Variants in SEMA5A observed in about 807,000 individuals in gnomAD.
SEMA5A encodes the protein semaphorin-5A.
In SEMA5A, 55 loss-of-function variants were observed where a neutral mutation model predicts 135.5. The ratio of observed to expected loss-of-function variants is 0.41; its 90% confidence interval spans 0.33 to 0.51. The LOEUF is 0.51. Ranked by LOEUF, SEMA5A falls within the 20% of genes least tolerant of loss-of-function variation. The probability of loss-of-function intolerance (pLI) is 0.37; values close to 1 mark genes in which losing one functional copy is unlikely to be tolerated. For missense variants in SEMA5A, 1,290 were observed against 1,419.9 expected (o/e 0.91, Z 1.47); for synonymous variants, 580 against 546.5 (o/e 1.06, Z -0.85).
chr5:9,452,479 A>T (rs747729808), intron 1 of SEMA5A, among the ~76,000 whole-genome samples: 6 of 152,208 alleles, frequency 3.9e-5, no homozygotes, highest in African/African-American at 7.2e-5. Flanking sequence ...GGCAAGATGC[A>T]TCCCACCTCA....
At chr5:9,212,207 C>T (rs140042438) in intron 8 of SEMA5A, among the ~76,000 whole-genome samples, 198 of 152,298 alleles carry the variant, frequency 1.3e-3, no homozygotes, top group Middle Eastern at 6.8e-3. Context: ...TGTATTTTCA[C>T]CTTTTCATGG....
chr5:9,360,152 T>C (rs1266953202), intron 3 of SEMA5A, among the ~76,000 whole-genome samples: 6 of 152,230 alleles, frequency 3.9e-5, no homozygotes, highest in Non-Finnish European at 8.8e-5. Context: ...TATTAACCTC[T>C]GCAGTAGGTC....
At chr5:9,205,938 G>T (rs1745990266) in intron 8 of SEMA5A, among the ~76,000 whole-genome samples, 1 of 152,176 alleles carries the variant, frequency 6.6e-6, no homozygotes, top group Admixed American at 6.5e-5. Context: ...GAAAAAGTGG[G>T]AATAATTGTA....
chr5:9,050,318 A>C (rs1736496274), intron 21 of SEMA5A, 92 bp downstream of exon 21: 2 of 1,215,146 alleles, frequency 1.6e-6, no homozygotes, highest in South Asian at 3.2e-5. Flanking sequence ...TTCTTGGCCA[A>C]GAGGCAGAAA....
chr5:9,469,259 G>A lies in SEMA5A; in HGVS notation c.-174-31407C>T, dbSNP rs187436902. On this transcript the variant is annotated intron_variant, in intron 1 of 22. Transcript: ENST00000382496. ...CCTGACCTTGTGATCCACCTGCCTC[G>A]GCCTCCCAAAGTGCTGGGATTACAG... 1.1e-3 allele frequency among the ~76,000 whole-genome samples: 172 copies of A among 152,104 alleles called. 2 individuals carry two copies. The highest frequency in any genetic ancestry group is 7.1e-3 in the East Asian group (37 of 5,176).
chr5:9,325,557 A>C (rs1322190002), intron 4 of SEMA5A, among the ~76,000 whole-genome samples: 3 of 151,952 alleles, frequency 2.0e-5, no homozygotes, highest in Non-Finnish European at 4.4e-5. Flanking sequence ...CAAATCACTA[A>C]GCATAACAAT....
chr5:9,212,911 T>C (rs1746415837), intron 8 of SEMA5A, among the ~76,000 whole-genome samples: 1 of 152,178 alleles, frequency 6.6e-6, no homozygotes, highest in African/African-American at 2.4e-5. Context: ...TAACAAAAAA[T>C]ACCATAAACT....
In SEMA5A at chr5:9,443,612, C is replaced by G. The variant is rs548292949; in HGVS notation, c.-174-5760G>C. On this transcript the variant is annotated intron_variant, in intron 1 of 22. Transcript: ENST00000382496. The stretch of plus-strand genomic sequence containing the variant: ...TGAAGCAAATTAACGTATTTATCAT[C>G]TCACATAGTTACATTTTTTGAGGTA... 3.9e-5 allele frequency among the ~76,000 whole-genome samples: 6 copies of G among 152,318 alleles called. No homozygotes were observed. In the South Asian group the frequency reaches 1.2e-3, roughly 32 times the overall value.
intron 15 of SEMA5A, among the ~76,000 whole-genome samples, chr5:9,118,471 T>C (rs1201434508): frequency 3.3e-5 from 5 of 152,288 alleles, no homozygotes; most frequent in Non-Finnish European, 5.9e-5. Context: ...AAGCTCAAAA[T>C]ACACGTGGAA....
chr5:9,086,120 C>T (rs541994060), intron 16 of SEMA5A, among the ~76,000 whole-genome samples: 63 of 152,322 alleles, frequency 4.1e-4, no homozygotes, highest in African/African-American at 1.4e-3. Flanking sequence ...TTCAATTTTA[C>T]ACCCTCATAG....
chr5:9,304,375 T>C (rs1350573007), intron 5 of SEMA5A, among the ~76,000 whole-genome samples: 1 of 152,132 alleles, frequency 6.6e-6, no homozygotes, highest in African/African-American at 2.4e-5. Flanking sequence ...AAAGAACATA[T>C]CCTTATTTTT....
At chr5:9,391,884 C>T (rs1756174960) in intron 2 of SEMA5A, among the ~76,000 whole-genome samples, 4 of 152,118 alleles carry the variant, frequency 2.6e-5, no homozygotes, top group Admixed American at 2.6e-4. Flanking sequence ...AGATCCTGAC[C>T]CCACCAACAA....
At chr5:9,372,904 C>T (rs149001453) in intron 3 of SEMA5A, among the ~76,000 whole-genome samples, 14 of 152,344 alleles carry the variant, frequency 9.2e-5, no homozygotes, top group Admixed American at 3.3e-4. Context: ...GTCCGTGTTA[C>T]GCCTTCTCCA....
rs910391741 is a variant in SEMA5A at position 9,204,313 on chromosome 5, G to A, written c.647-2073C>T. Among the ~76,000 whole-genome samples the A allele has an allele frequency of 2.6e-5, 4 of 152,134 alleles. No homozygotes were observed. The highest frequency in any genetic ancestry group is 5.9e-5 in the Non-Finnish European group (4 of 68,030). ...ACTTAGGTTACCAGCACACATGCAG[G>A]AGGTCCACCAAAACTTATCAAATAC... On this transcript the variant is annotated intron_variant, in intron 8 of 22. Transcript: ENST00000382496. This position sits in a 1 kb window ranked among gnomAD's most constrained non-coding sequence, Gnocchi z 6.4.
At chr5:9,361,902 C>T (rs757711801) in intron 3 of SEMA5A, among the ~76,000 whole-genome samples, 14 of 152,126 alleles carry the variant, frequency 9.2e-5, no homozygotes, top group Non-Finnish European at 1.8e-4. Context: ...GCCCCAAATC[C>T]AGAACTGAGA....
intron 3 of SEMA5A, among the ~76,000 whole-genome samples, chr5:9,345,525 TAA>T (rs60077732): frequency 2.5e-4 from 36 of 144,668 alleles, no homozygotes; most frequent in African/African-American, 3.3e-4. Context: ...TTCCAGGATG[TAA>T]AAAAAAAAAA....
intron 12 of SEMA5A, among the ~76,000 whole-genome samples, chr5:9,142,631 T>C (rs6892307): frequency 0.11 from 17,202 of 152,210 alleles, 1,438 homozygotes; most frequent in East Asian, 0.3. Context: ...CATGTTACCA[T>C]ATACTTCATA....
chr5:9,405,783 A>G (rs1244257097), intron 2 of SEMA5A, among the ~76,000 whole-genome samples: 1 of 152,206 alleles, frequency 6.6e-6, no homozygotes, highest in Non-Finnish European at 1.5e-5. Context: ...ATTCTCTTCC[A>G]TATCACTTAT....
chr5:9,304,451 TATC>T (rs1751762455), intron 5 of SEMA5A, among the ~76,000 whole-genome samples: 1 of 152,130 alleles, frequency 6.6e-6, no homozygotes, highest in South Asian at 2.1e-4. Flanking sequence ...ATGAATATAA[TATC>T]ATCTTTATAT....
Sources: allele counts gnomAD v4.1 joint callset (sites outside exome capture counted in the v4.1 genomes callset), GRCh38; gene constraint gnomAD v4.1.1; non-coding constraint Gnocchi (gnomAD v3.1); transcripts MANE v1.5; gene names NCBI Gene and HGNC (gene_info 2026-07-23, HGNC 2026-07-21).